SLC41A1: variants seen among roughly 807,000 people sequenced by gnomAD.
SLC41A1 encodes solute carrier family 41 (magnesium transporter), member 1.
Under a neutral mutation model 47.3 loss-of-function variants are expected in SLC41A1, and 20 were observed. The ratio of observed to expected loss-of-function variants is 0.42; its 90% CI spans 0.30 to 0.61. SLC41A1 has a LOEUF of 0.61. Among genes scored for constraint, SLC41A1 ranks in the 20% least tolerant of loss-of-function variants. The pLI is 0.17. For synonymous variants in SLC41A1, 282 were observed against 272.7 expected, an observed-to-expected ratio of 1.03 and a Z score of -0.34; for missense variants, 504 against 674.1, an observed-to-expected ratio of 0.75 and a Z score of 2.79.
At chr1:205,795,874 C>T (rs148828390) in intron 8 of SLC41A1, 4 of 12,974 alleles carry the variant, frequency 3.1e-4, no homozygotes, top group African/African-American at 5.0e-4. Context: ...CTTGCCTCAC[C>T]GCCTCACCTC....
chr1:205,803,483 A>C (rs1433172099), intron 2 of SLC41A1, among the ~76,000 whole-genome samples: 2 of 152,180 alleles, frequency 1.3e-5, no homozygotes, highest in South Asian at 2.1e-4. Flanking sequence ...ATACCATGGA[A>C]TATTTCTCAG....
intron 2 of SLC41A1, among the ~76,000 whole-genome samples, chr1:205,805,690 G>A (rs1462939333): frequency 6.6e-6 from 1 of 152,144 alleles, no homozygotes; most frequent in Non-Finnish European, 1.5e-5. Context: ...ATGGATCCCT[G>A]GTATTCTGCA....
intron 3 of SLC41A1, 130 bp from the exon 4 acceptor site, chr1:205,799,960 C>G: frequency 1.3e-6 from 1 of 779,640 alleles, no homozygotes; most frequent in South Asian, 1.5e-5. Context: ...CCTGACAGTC[C>G]CGGAAAGGTG....
intron 2 of SLC41A1, among the ~76,000 whole-genome samples, chr1:205,804,846 A>G (rs943748894): frequency 6.6e-6 from 1 of 152,194 alleles, no homozygotes; most frequent in African/African-American, 2.4e-5. Flanking sequence ...TGTAATGTAC[A>G]TGTACTCATA....
At chr1:205,799,232 GT>G in intron 4 of SLC41A1, 131 bp from the exon 5 acceptor site, 2 of 1,217,470 alleles carry the variant, frequency 1.6e-6, no homozygotes, top group Admixed American at 4.1e-5. Context: ...GCATGGTCCA[GT>G]CCTCCCAGGC....
At chr1:205,801,874 T>C (rs1655888681) in intron 2 of SLC41A1, among the ~76,000 whole-genome samples, 1 of 152,206 alleles carries the variant, frequency 6.6e-6, no homozygotes, top group African/African-American at 2.4e-5. Context: ...TTTTCTCTTT[T>C]AATCATCTTA....
At chr1:205,811,292 C>G (rs1255570520) in intron 1 of SLC41A1, among the ~76,000 whole-genome samples, 1 of 152,164 alleles carries the variant, frequency 6.6e-6, no homozygotes, top group Admixed American at 6.5e-5. Flanking sequence ...CGCCATCCTC[C>G]CCACCAGCAA....
chr1:205,810,218 T>G lies in SLC41A1; in HGVS notation c.224A>C (p.Glu75Ala), dbSNP rs1183507299. The change falls in exon 2 of 11, where the codon GAA (glutamate) becomes GCA (alanine). Residue 75 changes from glutamate (E) to alanine (A), a missense_variant. Glu to Ala is a moderately radical substitution (Grantham distance 107). Transcript: ENST00000367137. This position sits in a 1 kb window ranked among gnomAD's most constrained non-coding sequence, Gnocchi z 5.5. ...ALLENGSQSNESDDVSTDRGP... is the reference protein window; with the variant it reads ...ALLENGSQSNASDDVSTDRGP... The stretch of plus-strand genomic sequence containing the variant: ...ACGGTCTGTGCTGACGTCGTCACTT[T>G]CGTTGCTCTGGCTCCCGTTCTCCAG... 1.2e-6 allele frequency: 2 copies of G among 1,614,090 alleles called. No individual in the cohort carries two copies.
intron 2 of SLC41A1, among the ~76,000 whole-genome samples, chr1:205,809,720 G>T (rs1414265220): frequency 2.0e-5 from 3 of 152,174 alleles, no homozygotes; most frequent in Non-Finnish European, 4.4e-5. Flanking sequence ...ATAAAGAGGA[G>T]ACCCTTGTAA....
In SLC41A1 at chr1:205,799,925, G is replaced by A; in HGVS notation, c.481-95C>T. The A allele has an allele frequency of 3.8e-6, 4 of 1,064,058 alleles. No homozygotes were observed. The South Asian group carries it at 3.9e-5, about 10-fold the overall frequency. 65.9% of individuals were successfully genotyped at this position (1,064,058 alleles called of 1,614,324 possible). A position where few individuals can be genotyped will look rare whatever the true frequency, so the allele number is the denominator to read the frequency against. ...CTGCCTAGATCATGAGGCAGTACATGTGGCCTAAGACTCTGAGAGCAGGAC... is the reference window on the plus strand; with the variant it reads ...CTGCCTAGATCATGAGGCAGTACATATGGCCTAAGACTCTGAGAGCAGGAC... On this transcript the variant is annotated intron_variant, in intron 3 of 10. Transcript: ENST00000367137.
Position 205,811,366 on chromosome 1 carries a change from G to C in SLC41A1, c.-646-279C>G, listed in dbSNP as rs74143853. 1.4e-3 allele frequency among the ~76,000 whole-genome samples: 210 copies of C among 152,326 alleles called. 1 individual carries two copies. Among genetic ancestry groups the C allele is most frequent in the African/African-American group, 4.9e-3 (202 of 41,572 alleles). ...GATGTGACCAGCCTGGGATTGGGAA[G>C]ATGCTGTGCAGAAGCCCTCTGCACT... On this transcript the variant is annotated intron_variant, in intron 1 of 10. Coordinates refer to ENST00000367137, the MANE Select transcript of SLC41A1 (RefSeq NM_173854.6).
At position 205,810,191 on chromosome 1, in the gene SLC41A1, C is replaced by A. The variant is rs773375948; in HGVS notation, c.251G>T (p.Gly84Val). The A allele has an allele frequency of 6.2e-7, 1 of 1,614,234 alleles. No homozygotes were observed. The highest frequency in any genetic ancestry group is 8.5e-7 in the Non-Finnish European group (1 of 1,180,046). ...CTTGAGCGGGGAAGGTGGCGCAGGG[C>A]CACGGTCTGTGCTGACGTCGTCACT... The part of the protein sequence containing the change: ...NESDDVSTDR[G>V]PAPPSPLKET... Residue 84 changes from glycine (G) to valine (V), a missense_variant, in exon 2 of 11, where the codon GGC becomes GTC. By Grantham distance (109) the Gly-to-Val change is moderately radical (BLOSUM62 -3). Coordinates refer to ENST00000367137, the MANE Select transcript of SLC41A1 (RefSeq NM_173854.6). This position sits in a 1 kb window ranked among gnomAD's most constrained non-coding sequence, Gnocchi z 5.5.
At chr1:205,801,938 T>C (rs1046670937) in intron 2 of SLC41A1, among the ~76,000 whole-genome samples, 4 of 152,214 alleles carry the variant, frequency 2.6e-5, no homozygotes, top group Non-Finnish European at 4.4e-5. Context: ...ATGAGTAAAC[T>C]GGGGTTCAGA....
chr1:205,808,601 A>C (rs1301404783), intron 2 of SLC41A1, among the ~76,000 whole-genome samples: 3 of 152,228 alleles, frequency 2.0e-5, no homozygotes, highest in Non-Finnish European at 4.4e-5. Flanking sequence ...AGAAGAGGTG[A>C]AGAAAAATGT....
chr1:205,801,139 A>G, intron 2 of SLC41A1, 79 bp from the exon 3 acceptor site: 1 of 1,116,732 alleles, frequency 9.0e-7, no homozygotes. Context: ...GTCTGAGATC[A>G]GGGGCTCGAG....
chr1:205,801,507 G>A (rs745994425), intron 2 of SLC41A1: 26 of 254,298 alleles, frequency 1.0e-4, no homozygotes, highest in African/African-American at 1.8e-4. Context: ...CACAGGGCTG[G>A]GGCCGAGGCT....
chr1:205,792,095 C>T (rs928241787), intron 10 of SLC41A1, among the ~76,000 whole-genome samples: 2 of 152,216 alleles, frequency 1.3e-5, no homozygotes, highest in Non-Finnish European at 2.9e-5. Flanking sequence ...CACTCCAATT[C>T]CTGCCATGTT....
intron 8 of SLC41A1, 161 bp downstream of exon 8, chr1:205,796,763 A>G (rs1162167263): frequency 1.4e-6 from 1 of 724,176 alleles, no homozygotes; most frequent in Admixed American, 2.1e-5. Flanking sequence ...CTCTGCTCCC[A>G]CCTCTGTAAG....
chr1:205,795,311 C>G (rs746169485), intron 9 of SLC41A1, 33 bp downstream of exon 9: 18 of 1,613,870 alleles, frequency 1.1e-5, no homozygotes, highest in South Asian at 2.2e-5. Context: ...GCCCACTCCC[C>G]CCAGGGCTGG....
Sources: allele counts gnomAD v4.1 joint callset (sites outside exome capture counted in the v4.1 genomes callset), GRCh38; gene constraint gnomAD v4.1.1; non-coding constraint Gnocchi (gnomAD v3.1); transcripts MANE v1.5; gene names NCBI Gene and HGNC (gene_info 2026-07-23, HGNC 2026-07-21).